SUCLA2: variants seen among roughly 807,000 people sequenced by gnomAD.
SUCLA2 encodes succinate-CoA ligase ADP-forming subunit beta, also known as succinate--CoA ligase [ADP-forming] subunit beta, mitochondrial.
SUCLA2 carries 30 observed loss-of-function variants against 54.8 expected under a neutral mutation model. The observed-to-expected ratio is 0.55, with a 90% CI of 0.41 to 0.74. SUCLA2 has a LOEUF of 0.74. Among genes scored for constraint, SUCLA2 ranks in the 30% least tolerant of loss-of-function variants. SUCLA2 has a pLI of 0.00. For synonymous variants in SUCLA2, 172 were observed against 188.9 expected (o/e 0.91, Z 0.74); for missense variants, 476 against 562.9 (o/e 0.85, Z 1.56).
At chr13:47,961,283 TG>T (rs906512508) in intron 6 of SUCLA2, among the ~76,000 whole-genome samples, 9 of 151,162 alleles carry the variant, frequency 6.0e-5, no homozygotes, top group South Asian at 2.1e-4. Flanking sequence ...GAAAATGGAG[TG>T]GGGGGGGCCA....
chr13:47,947,798 G>C (rs558738321), intron 10 of SUCLA2, among the ~76,000 whole-genome samples: 1 of 152,264 alleles, frequency 6.6e-6, no homozygotes, highest in South Asian at 2.1e-4. Context: ...ACAGCCTAAA[G>C]ATGCAACCAT....
Position 47,988,867 on chromosome 13 carries a change from A to C in SUCLA2, c.371+15T>G. 1 of 1,610,952 alleles carries C rather than the reference A, an allele frequency of 6.2e-7. No homozygotes were observed. Among genetic ancestry groups the C allele is most frequent in the Non-Finnish European group, 8.5e-7 (1 of 1,178,994 alleles). ...CTTTAACAAGGATGATTTTTCCTTA[A>C]AAAATGTGACTTACGAGAAAACTAT... On this transcript the variant is annotated intron_variant, in intron 3 of 10. Coordinates refer to ENST00000646932, the MANE Select transcript of SUCLA2 (RefSeq NM_003850.3).
intron 1 of SUCLA2, among the ~76,000 whole-genome samples, chr13:47,997,436 T>C (rs1410042784): frequency 1.3e-5 from 2 of 152,206 alleles, no homozygotes; most frequent in Non-Finnish European, 2.9e-5. Flanking sequence ...AATAAAATGA[T>C]TTGATACCAT....
At chr13:47,977,556 C>T (rs2137727664) in intron 4 of SUCLA2, among the ~76,000 whole-genome samples, 1 of 152,016 alleles carries the variant, frequency 6.6e-6, no homozygotes, top group Non-Finnish European at 1.5e-5. Flanking sequence ...TTCAACAACA[C>T]ATTAAAGGGA....
At chr13:47,980,993 CAT>C (rs1224391730) in intron 4 of SUCLA2, among the ~76,000 whole-genome samples, 1 of 151,998 alleles carries the variant, frequency 6.6e-6, no homozygotes, top group African/African-American at 2.4e-5. Context: ...CTATAAAACT[CAT>C]AGAAGAAAAC....
At chr13:47,943,766 G>GTGTGTGTGTATATATA (rs1300486540) in intron 10 of SUCLA2, among the ~76,000 whole-genome samples, 40 of 139,652 alleles carry the variant, frequency 2.9e-4, no homozygotes, top group Admixed American at 1.5e-3. Flanking sequence ...GTGTGTGTGT[G>GTGTGTGTGTATATATA]TATATATATA....
At position 47,989,938 on chromosome 13, in the gene SUCLA2, T is replaced by G. The variant is rs113136263; in HGVS notation, c.272-957A>C. 7.2e-5 allele frequency among the ~76,000 whole-genome samples: 11 copies of G among 152,354 alleles called. 1 individual carries two copies. Among genetic ancestry groups the G allele is most frequent in the African/African-American group, 2.6e-4 (11 of 41,578 alleles). On this transcript the variant is annotated intron_variant, in intron 2 of 10. Transcript: ENST00000646932. ...TATTTTTAAATAAATGGACTGAATT[T>G]TTCTTCTTTAACAGGTAGACTGATT...
chr13:47,990,305 G>A (rs549867820), intron 2 of SUCLA2, among the ~76,000 whole-genome samples: 3 of 152,284 alleles, frequency 2.0e-5, no homozygotes, highest in Admixed American at 6.5e-5. Flanking sequence ...CCAAGATTGT[G>A]CCATTGCACT....
intron 8 of SUCLA2, among the ~76,000 whole-genome samples, chr13:47,953,426 A>G (rs1949792121): frequency 6.6e-6 from 1 of 152,206 alleles, no homozygotes; most frequent in South Asian, 2.1e-4. Context: ...TTGTTTTAGT[A>G]ATTACTAAAC....
At chr13:47,996,760 A>G in intron 2 of SUCLA2, 83 bp downstream of exon 2, 5 of 1,349,212 alleles carry the variant, frequency 3.7e-6, no homozygotes, top group Non-Finnish European at 5.1e-6. Flanking sequence ...AAAAGCTAAA[A>G]GTTGTTATCA....
intron 6 of SUCLA2, among the ~76,000 whole-genome samples, chr13:47,966,813 G>A (rs184233188): frequency 1.5e-4 from 23 of 151,758 alleles, no homozygotes; most frequent in Admixed American, 7.2e-4. Flanking sequence ...ACATGCGTTG[G>A]ATGAGCCTAG....
intron 4 of SUCLA2, among the ~76,000 whole-genome samples, chr13:47,979,739 C>T (rs1023390769): frequency 6.6e-6 from 1 of 152,200 alleles, no homozygotes; most frequent in Non-Finnish European, 1.5e-5. Context: ...GATGCCCACT[C>T]TTGCCGCTTC....
At chr13:47,988,411 G>A in intron 4 of SUCLA2, 130 bp downstream of exon 4, 1 of 1,030,502 alleles carries the variant, frequency 9.7e-7, no homozygotes, top group Non-Finnish European at 1.4e-6. Flanking sequence ...TAAATATCAT[G>A]CTCATGACAT....
At chr13:47,957,835 A>C (rs992964860) in intron 6 of SUCLA2, among the ~76,000 whole-genome samples, 1 of 152,122 alleles carries the variant, frequency 6.6e-6, no homozygotes. Context: ...TTTTGTTTGC[A>C]GTTGACCAAG....
At chr13:47,969,803 T>G in intron 5 of SUCLA2, among the ~76,000 whole-genome samples, 1 of 152,154 alleles carries the variant, frequency 6.6e-6, no homozygotes, top group Non-Finnish European at 1.5e-5. Flanking sequence ...AAGTGAATGA[T>G]CAAGCTAAAC....
chr13:47,993,047 A>G (rs1950161694), intron 2 of SUCLA2, among the ~76,000 whole-genome samples: 1 of 152,202 alleles, frequency 6.6e-6, no homozygotes, highest in Non-Finnish European at 1.5e-5. Context: ...CCTGGGCAAC[A>G]TGGTGAAACC....
intron 5 of SUCLA2, among the ~76,000 whole-genome samples, chr13:47,970,589 C>T (rs1333159512): frequency 3.9e-5 from 6 of 152,124 alleles, no homozygotes; most frequent in Non-Finnish European, 8.8e-5. Flanking sequence ...TGGCTGGGCA[C>T]GGTGACTCAC....
At chr13:47,995,574 T>C (rs1415529594) in intron 2 of SUCLA2, among the ~76,000 whole-genome samples, 8 of 152,182 alleles carry the variant, frequency 5.3e-5, no homozygotes, top group Non-Finnish European at 1.2e-4. Flanking sequence ...AAATAAGTAC[T>C]ACACAAGATG....
At chr13:47,980,731 T>TA (rs1201185511) in intron 4 of SUCLA2, among the ~76,000 whole-genome samples, 1 of 151,834 alleles carries the variant, frequency 6.6e-6, no homozygotes, top group African/African-American at 2.4e-5. Context: ...TGATAATGCA[T>TA]AAAAAAACAG....
Sources: gnomAD v4.1 joint callset for allele counts (sites outside exome capture counted in the v4.1 genomes callset) on GRCh38, gnomAD v4.1.1 for gene constraint, MANE v1.5 for transcripts, NCBI Gene and HGNC (gene_info 2026-07-23, HGNC 2026-07-21) for gene names.